Variants in EPHA3 observed in about 807,000 individuals in gnomAD.
The protein encoded by EPHA3 is EPH receptor A3.
In EPHA3, 42 loss-of-function variants were observed where a neutral mutation model predicts 107.1. The ratio of observed to expected loss-of-function variants is 0.39; its 90% CI spans 0.31 to 0.51. The LOEUF is 0.51. Among genes scored for constraint, EPHA3 ranks in the 20% least tolerant of loss-of-function variants. The pLI is 0.78. For missense variants in EPHA3, 1,183 were observed against 1,211.2 expected, an observed-to-expected ratio of 0.98 and a Z score of 0.35; for synonymous variants, 461 against 424.8, an observed-to-expected ratio of 1.09 and a Z score of -1.05.
intron 5 of EPHA3, among the ~76,000 whole-genome samples, chr3:89,387,806 C>G (rs1708652498): frequency 6.6e-6 from 1 of 152,024 alleles, no homozygotes; most frequent in South Asian, 2.1e-4. Flanking sequence ...CTTCATTTGT[C>G]ATTACTTTTT....
chr3:89,147,952 G>A (rs1704602972), intron 2 of EPHA3, among the ~76,000 whole-genome samples: 1 of 151,830 alleles, frequency 6.6e-6, no homozygotes, highest in African/African-American at 2.4e-5. Flanking sequence ...GGAATATTAA[G>A]GAAAAATAAT....
chr3:89,450,238 T>C lies in EPHA3; in HGVS notation c.2558T>C (p.Leu853Ser). The change falls in exon 15 of 17, where the codon TTG becomes TCG. Residue 853 changes from leucine (L) to serine (S), a missense_variant. Physicochemically the swap from Leu to Ser is moderately radical, Grantham distance 145. Transcript: ENST00000336596. ...CCCCCCATGGACTGCCCAGCTGCCT[T>C]GTATCAGCTGATGCTGGACTGCTGG... ...LPPPMDCPAALYQLMLDCWQK... is the reference protein window; with the variant it reads ...LPPPMDCPAASYQLMLDCWQK... 6.2e-7 allele frequency: 1 copy of C among 1,613,864 alleles called. No homozygotes were observed.
chr3:89,237,097 C>T (rs1414324088), intron 3 of EPHA3, among the ~76,000 whole-genome samples: 5 of 152,222 alleles, frequency 3.3e-5, no homozygotes, highest in Admixed American at 1.3e-4. Flanking sequence ...CATGGTGACT[C>T]ATGCCTGTAA....
At chr3:89,384,831 A>G (rs1289607124) in intron 5 of EPHA3, among the ~76,000 whole-genome samples, 5 of 152,200 alleles carry the variant, frequency 3.3e-5, no homozygotes, top group Non-Finnish European at 7.3e-5. Flanking sequence ...AATAACCATC[A>G]TTCTCATCAC....
intron 3 of EPHA3, among the ~76,000 whole-genome samples, chr3:89,276,241 A>T (rs1002837630): frequency 1.3e-5 from 2 of 152,084 alleles, no homozygotes; most frequent in Admixed American, 1.3e-4. Context: ...CCTTTTAAAG[A>T]AGTGGAAGTA....
intron 2 of EPHA3, among the ~76,000 whole-genome samples, chr3:89,203,197 C>T (rs1415452851): frequency 1.3e-5 from 2 of 151,208 alleles, no homozygotes; most frequent in African/African-American, 4.9e-5. Flanking sequence ...CATTAGTTCT[C>T]AGTGTTGGGG....
chr3:89,210,101 G>C lies in EPHA3; in HGVS notation c.395G>C (p.Gly132Ala), dbSNP rs1281519905. 1 of 1,613,978 alleles carries C rather than the reference G, an allele frequency of 6.2e-7. No homozygotes were observed. The highest frequency in any genetic ancestry group is 1.1e-5 in the South Asian group (1 of 91,076). ...TACATGGAGTCTGATGATGATCATG[G>C]GGTGAAATTTCGAGAGCATCAGTTT... ...LYYMESDDDH[G>A]VKFREHQFTK... Residue 132 changes from glycine (G) to alanine (A), a missense_variant, in exon 3 of 17, where the codon GGG becomes GCG. Gly to Ala is a moderately conservative substitution (Grantham distance 60). Coordinates refer to ENST00000336596, the MANE Select transcript of EPHA3 (RefSeq NM_005233.6).
intron 13 of EPHA3, among the ~76,000 whole-genome samples, chr3:89,432,044 T>C (rs1258306991): frequency 6.6e-6 from 1 of 152,144 alleles, no homozygotes; most frequent in Non-Finnish European, 1.5e-5. Flanking sequence ...TTCTATATTG[T>C]TGTATCTTTT....
At chr3:89,378,365 G>T (rs1708441433) in intron 5 of EPHA3, among the ~76,000 whole-genome samples, 1 of 151,956 alleles carries the variant, frequency 6.6e-6, no homozygotes. Flanking sequence ...ACTCATGCCG[G>T]CATCCCCAGA....
At chr3:89,232,783 C>G (rs576826282) in intron 3 of EPHA3, among the ~76,000 whole-genome samples, 1 of 152,114 alleles carries the variant, frequency 6.6e-6, no homozygotes, top group Non-Finnish European at 1.5e-5. Context: ...TAATCCTAAA[C>G]TTTGTATTCC....
Position 89,428,505 on chromosome 3 carries a change from A to T in EPHA3, c.2075-601A>T, listed in dbSNP as rs1343029175. ...AATTTTAATTTCAGTTTTATTTTCC[A>T]TTTAAACATAGCATTCATTTCATAA... is the stretch of plus-strand genomic sequence containing the variant. On this transcript the variant is annotated intron_variant, in intron 11 of 16. Coordinates refer to ENST00000336596, the MANE Select transcript of EPHA3 (RefSeq NM_005233.6). Among the ~76,000 whole-genome samples the T allele has an allele frequency of 2.0e-5, 3 of 152,090 alleles. No individual in the cohort carries two copies. In the East Asian group the frequency reaches 5.8e-4, roughly 29 times the overall value.
intron 5 of EPHA3, among the ~76,000 whole-genome samples, chr3:89,383,650 T>C (rs941195612): frequency 2.2e-5 from 3 of 137,038 alleles, no homozygotes; most frequent in Admixed American, 1.5e-4. Context: ...TTTTTTTTTT[T>C]TTTTTTTTTT....
intron 15 of EPHA3, among the ~76,000 whole-genome samples, chr3:89,454,489 C>A (rs975471531): frequency 6.6e-6 from 1 of 152,130 alleles, no homozygotes; most frequent in African/African-American, 2.4e-5. Context: ...AAACACTCTC[C>A]TCATGGCTGT....
At position 89,431,260 on chromosome 3, in the gene EPHA3, T is replaced by A. The variant is rs756617988; in HGVS notation, c.2247T>A (p.Ala749=). ...DMGYVHRDLA[A]RNILINSNLV... is the part of the protein sequence containing the mutation. ...GCTATGTTCACCGAGACCTCGCTGC[T>A]CGGAACATCTTGATCAACAGTAACT... Residue 749 remains alanine (A), a synonymous_variant, in exon 13 of 17, where the codon GCT becomes GCA. Coordinates refer to ENST00000336596, the MANE Select transcript of EPHA3 (RefSeq NM_005233.6). 1.2e-6 allele frequency: 2 copies of A among 1,613,884 alleles called. No individual in the cohort carries two copies. Among genetic ancestry groups the A allele is most frequent in the South Asian group, 2.2e-5 (2 of 91,062 alleles).
In EPHA3 at chr3:89,472,451, T is replaced by G. The variant is rs748669892; in HGVS notation, c.2691-13T>G. ...TCCTGATCTGTCTCCCTTTGGTGTT[T>G]TTTTTCTTGCAGGCCATCAAACCTT... On this transcript the variant is annotated splice_polypyrimidine_tract_variant and intron_variant, in intron 15 of 16. Transcript: ENST00000336596. 2 of 1,603,492 alleles carry G rather than the reference T, an allele frequency of 1.2e-6. No individual in the cohort carries two copies. The highest frequency in any genetic ancestry group is 1.7e-6 in the Non-Finnish European group (2 of 1,175,050).
chr3:89,222,710 A>G (rs1704410364), intron 3 of EPHA3, among the ~76,000 whole-genome samples: 2 of 152,074 alleles, frequency 1.3e-5, no homozygotes, highest in African/African-American at 4.8e-5. Flanking sequence ...TTCTGGTGGT[A>G]TTGGACTGCT....
chr3:89,287,665 T>G (rs2107323751), intron 3 of EPHA3, among the ~76,000 whole-genome samples: 1 of 152,218 alleles, frequency 6.6e-6, no homozygotes, highest in Admixed American at 6.5e-5. Context: ...AGCCAACATA[T>G]TTAAATACAC....
intron 3 of EPHA3, among the ~76,000 whole-genome samples, chr3:89,300,829 G>A (rs754814919): frequency 2.6e-5 from 4 of 152,110 alleles, no homozygotes; most frequent in South Asian, 2.1e-4. Context: ...TAAAATGCAC[G>A]CCTGTTTCTC....
intron 3 of EPHA3, among the ~76,000 whole-genome samples, chr3:89,326,382 A>G (rs200650257): frequency 6.6e-6 from 1 of 152,160 alleles, no homozygotes; most frequent in Non-Finnish European, 1.5e-5. Context: ...TACATGTTCA[A>G]TACAAGTACA....
Sources: allele counts gnomAD v4.1 joint callset (sites outside exome capture counted in the v4.1 genomes callset), GRCh38; gene constraint gnomAD v4.1.1; transcripts MANE v1.5; gene names NCBI Gene and HGNC (gene_info 2026-07-23, HGNC 2026-07-21).